KCNN3: variants seen among roughly 807,000 people sequenced by gnomAD.
KCNN3 encodes the protein small conductance calcium-activated potassium channel protein 3.
In KCNN3, 16 loss-of-function variants were observed where a neutral mutation model predicts 62.9. That is an observed-to-expected ratio of 0.25 (90% CI 0.17 to 0.39). The LOEUF is 0.39. KCNN3 is among the 10% of genes least tolerant of loss of function. The pLI, the probability that KCNN3 is intolerant of heterozygous loss-of-function variation, is 1.00. For synonymous variants in KCNN3, 370 were observed against 389.2 expected, an observed-to-expected ratio of 0.95 and a Z score of 0.58; for missense variants, 599 against 949.4, an observed-to-expected ratio of 0.63 and a Z score of 4.85.
chr1:154,738,344 G>A (rs1192243238), intron 3 of KCNN3, among the ~76,000 whole-genome samples: 1 of 152,206 alleles, frequency 6.6e-6, no homozygotes, highest in African/African-American at 2.4e-5. Flanking sequence ...AAATTCTGGA[G>A]GAAAATTATT....
In KCNN3 at chr1:154,807,441, C is replaced by T. The variant is rs796721676; in HGVS notation, c.1029+14648G>A. Among the ~76,000 whole-genome samples, 19 of 152,272 alleles carry T rather than the reference C, an allele frequency of 1.2e-4. 1 individual carries two copies. The highest frequency in any genetic ancestry group is 5.2e-4 in the Admixed American group (8 of 15,294). The stretch of plus-strand genomic sequence containing the variant: ...CACTCAGAAGCCCCCCGCACAAAGT[C>T]GGCTTTGGGTGATGTCACTGCTGCT... On this transcript the variant is annotated intron_variant, in intron 2 of 7. Coordinates refer to ENST00000271915, the MANE Select transcript of KCNN3 (RefSeq NM_002249.6).
chr1:154,848,903 ATC>A (rs1652195405), intron 1 of KCNN3, among the ~76,000 whole-genome samples: 2 of 152,222 alleles, frequency 1.3e-5, no homozygotes, highest in Admixed American at 6.5e-5. Context: ...AGCCTCATCC[ATC>A]TCTGTGTCCC....
intron 6 of KCNN3, among the ~76,000 whole-genome samples, chr1:154,714,281 G>GGTGT: frequency 7.9e-6 from 1 of 126,214 alleles, no homozygotes; most frequent in South Asian, 2.6e-4. Flanking sequence ...TGGTGTGTGT[G>GGTGT]GTGTGTGGTG....
intron 3 of KCNN3, among the ~76,000 whole-genome samples, chr1:154,760,245 T>C (rs975572999): frequency 1.3e-5 from 2 of 151,844 alleles, no homozygotes; most frequent in Non-Finnish European, 2.9e-5. Flanking sequence ...AGCTAAGTCA[T>C]GTATAATTAT....
intron 1 of KCNN3, among the ~76,000 whole-genome samples, chr1:154,839,200 C>T (rs906129264): frequency 2.0e-5 from 3 of 152,130 alleles, no homozygotes; most frequent in Non-Finnish European, 4.4e-5. Context: ...ACCACGTGCC[C>T]ACCACCATCG....
At chr1:154,866,082 G>A (rs771562525) in intron 1 of KCNN3, among the ~76,000 whole-genome samples, 2 of 152,086 alleles carry the variant, frequency 1.3e-5, no homozygotes, top group Non-Finnish European at 2.9e-5. Context: ...CCATGGAGGA[G>A]TAGAGACCAC....
intron 2 of KCNN3, among the ~76,000 whole-genome samples, chr1:154,781,468 A>G (rs933963388): frequency 2.0e-5 from 3 of 152,204 alleles, no homozygotes; most frequent in Non-Finnish European, 4.4e-5. Context: ...AACATGGGAA[A>G]CAGACAAATT....
chr1:154,714,727 G>T lies in KCNN3; in HGVS notation c.1829+149C>A, dbSNP rs374598925. On this transcript the variant is annotated intron_variant, in intron 6 of 7. Transcript: ENST00000271915. ...CCTGCCCAATTCCTGGCATGTGGCT[G>T]GTGCAGTCAGTGAGTGATCAGACCC... is the stretch of plus-strand genomic sequence containing the variant. 6.5e-6 allele frequency: 7 copies of T among 1,083,512 alleles called. No homozygotes were observed. In the African/African-American group the frequency reaches 1.1e-4, roughly 17 times the overall value. 67.1% of individuals were successfully genotyped at this position (1,083,512 alleles called of 1,614,324 possible).
At position 154,772,345 on chromosome 1, in the gene KCNN3, A is replaced by G. The variant is rs1250219419; in HGVS notation, c.1078T>C (p.Tyr360His). 1.2e-6 allele frequency: 2 copies of G among 1,614,178 alleles called. No homozygotes were observed. The highest frequency in any genetic ancestry group is 1.1e-5 in the South Asian group (1 of 91,082). The change falls in exon 3 of 8, where the codon TAC (tyrosine) becomes CAC (histidine). Residue 360 changes from tyrosine (Y) to histidine (H), a missense_variant. By Grantham distance (83) the Tyr-to-His change is moderately conservative (BLOSUM62 2). Transcript: ENST00000271915. This position sits in a 1 kb window ranked among gnomAD's most constrained non-coding sequence, Gnocchi z 5.6. ...GADDWRIAMT[Y>H]ERILYISLEM... is the part of the protein sequence containing the mutation. Reference sequence around the variant, plus strand: ...AGGCTGATGTACAGGATGCGCTCGTAGGTCATGGCTATCCGCCAGTCATCC... The same window carrying G: ...AGGCTGATGTACAGGATGCGCTCGTGGGTCATGGCTATCCGCCAGTCATCC...
intron 2 of KCNN3, among the ~76,000 whole-genome samples, chr1:154,787,879 G>A (rs1249906511): frequency 6.6e-6 from 1 of 152,176 alleles, no homozygotes; most frequent in East Asian, 1.9e-4. Flanking sequence ...ATAGGCTGAC[G>A]CTGGCTGCTG....
intron 1 of KCNN3, among the ~76,000 whole-genome samples, chr1:154,826,624 G>C (rs1267921748): frequency 1.3e-5 from 2 of 151,666 alleles, no homozygotes; most frequent in East Asian, 1.9e-4. Flanking sequence ...CTGCAGCGAG[G>C]CTTCTTAGAG....
At chr1:154,742,547 G>A (rs1251753489) in intron 3 of KCNN3, among the ~76,000 whole-genome samples, 1 of 152,110 alleles carries the variant, frequency 6.6e-6, no homozygotes, top group East Asian at 1.9e-4. Flanking sequence ...GCACATAGGT[G>A]CACTAAAAAA....
chr1:154,752,212 C>G (rs906277), intron 3 of KCNN3, among the ~76,000 whole-genome samples: 133,605 of 152,176 alleles, frequency 0.88, 58,764 homozygotes, highest in East Asian at 1. Flanking sequence ...TTATCCAGTG[C>G]GTGATTTTTA....
intron 3 of KCNN3, among the ~76,000 whole-genome samples, chr1:154,758,571 G>A (rs915418262): frequency 2.0e-5 from 3 of 152,152 alleles, no homozygotes; most frequent in Admixed American, 6.5e-5. Context: ...GGGCCAGCAG[G>A]CTTCCAGGGC....
chr1:154,735,182 G>A (rs1238836856), intron 3 of KCNN3, among the ~76,000 whole-genome samples: 1 of 152,204 alleles, frequency 6.6e-6, no homozygotes, highest in African/African-American at 2.4e-5. Context: ...GGACACAGAG[G>A]TGGGGTGACC....
intron 1 of KCNN3, chr1:154,859,617 G>A (rs1404318860): frequency 7.0e-7 from 1 of 1,434,762 alleles, no homozygotes; most frequent in African/African-American, 1.4e-5. Context: ...GGTCAGCAAG[G>A]TTCAATGGCT....
intron 3 of KCNN3, among the ~76,000 whole-genome samples, chr1:154,771,119 T>C (rs142852078): frequency 5.7e-4 from 86 of 150,460 alleles, no homozygotes; most frequent in African/African-American, 2.0e-3. Context: ...AAAATGAAAA[T>C]CCAGGACCCC....
At chr1:154,826,900 C>T (rs1651156922) in intron 1 of KCNN3, among the ~76,000 whole-genome samples, 1 of 152,234 alleles carries the variant, frequency 6.6e-6, no homozygotes, top group Non-Finnish European at 1.5e-5. Flanking sequence ...ATTAGCTTAA[C>T]TGAGATAATG....
At chr1:154,734,461 G>A (rs1700667193) in intron 3 of KCNN3, among the ~76,000 whole-genome samples, 1 of 152,192 alleles carries the variant, frequency 6.6e-6, no homozygotes, top group Admixed American at 6.5e-5. Flanking sequence ...CAACGTGCCG[G>A]GACAGGCCTA....
Sources: gnomAD v4.1 joint callset for allele counts (sites outside exome capture counted in the v4.1 genomes callset) on GRCh38, gnomAD v4.1.1 for gene constraint, Gnocchi (gnomAD v3.1) non-coding constraint, MANE v1.5 for transcripts, NCBI Gene and HGNC (gene_info 2026-07-23, HGNC 2026-07-21) for gene names.